The following PDE10A variants were observed in gnomAD, a reference collection of about 807,000 sequenced individuals.
PDE10A encodes the protein phosphodiesterase 10A.
A neutral mutation model predicts 97.7 loss-of-function variants in PDE10A; 39 were observed. The observed-to-expected ratio is 0.40, with a 90% CI of 0.31 to 0.52. The LOEUF is 0.52. Ranked by LOEUF, PDE10A falls within the 20% of genes least tolerant of loss-of-function variation. PDE10A has a pLI of 0.56. For synonymous variants in PDE10A, 371 were observed against 376.8 expected (o/e 0.98, Z 0.18); for missense variants, 731 against 1,047.8 (o/e 0.70, Z 4.17).
intron 1 of PDE10A, among the ~76,000 whole-genome samples, chr6:165,610,626 C>T (rs1448653897): frequency 6.6e-6 from 1 of 152,010 alleles, no homozygotes; most frequent in Non-Finnish European, 1.5e-5. Context: ...CTTTTGCTCC[C>T]ATAAATGATA....
rs1331354149 is a variant in PDE10A, at chr6:165,655,357, G to A, written c.865+6590C>T. Reference sequence around the variant, plus strand: ...CAGGCTGAACACCACCAAACGCCACGCCTGATTCCTTGCGCACCCCACGTG... The same window carrying A: ...CAGGCTGAACACCACCAAACGCCACACCTGATTCCTTGCGCACCCCACGTG... On this transcript the variant is annotated intron_variant, in intron 1 of 21. Coordinates refer to ENST00000539869, the MANE Select transcript of PDE10A (RefSeq NM_001385079.1). The surrounding 1 kb of genome is among the most constrained non-coding windows in gnomAD (Gnocchi z 4.5). Among the ~76,000 whole-genome samples, 5 of 151,996 alleles carry A rather than the reference G, an allele frequency of 3.3e-5. No homozygotes were observed. The highest frequency in any genetic ancestry group is 6.5e-5 in the Admixed American group (1 of 15,272).
chr6:165,930,993 G>T (rs141237301), intron 1 of PDE10A, among the ~76,000 whole-genome samples: 1 of 152,242 alleles, frequency 6.6e-6, no homozygotes, highest in South Asian at 2.1e-4. Context: ...ACAGCATGGA[G>T]CATTGACGAT....
chr6:165,610,545 A>AG (rs1787444663), intron 1 of PDE10A, among the ~76,000 whole-genome samples: 2 of 151,818 alleles, frequency 1.3e-5, no homozygotes, highest in African/African-American at 4.8e-5. Flanking sequence ...AAAAAAAAAA[A>AG]AAAAGAAAGA....
intron 12 of PDE10A, among the ~76,000 whole-genome samples, chr6:165,415,741 T>C (rs1788265962): frequency 6.6e-6 from 1 of 152,208 alleles, no homozygotes; most frequent in South Asian, 2.1e-4. Flanking sequence ...AAGTAACTTA[T>C]GCTAGGTCAG....
chr6:165,987,851 G>C lies in PDE10A; in HGVS notation c.-937C>G, dbSNP rs771274427. 5.0e-6 allele frequency: 2 copies of C among 396,834 alleles called. 1 individual carries two copies. The highest frequency in any genetic ancestry group is 3.7e-5 in the South Asian group (2 of 54,226). 24.6% of individuals were successfully genotyped at this position (396,834 alleles called of 1,614,324 possible). On this transcript the variant is annotated 5_prime_UTR_variant, in exon 1 of 20. Coordinates refer to the PDE10A transcript ENST00000366882. The stretch of plus-strand genomic sequence containing the variant: ...TCCCTCCTTTCCATCTGGGGGTCTC[G>C]GGGAAAGCTGCACCCAGCGCCTTGG...
At chr6:165,337,617 G>A (rs904234437) in intron 20 of PDE10A, among the ~76,000 whole-genome samples, 1 of 152,166 alleles carries the variant, frequency 6.6e-6, no homozygotes, top group African/African-American at 2.4e-5. Context: ...TAATTTCACA[G>A]TCATCAACTA....
Position 165,388,746 on chromosome 6 carries a change from A to G in PDE10A, c.2455-293T>C, listed in dbSNP as rs759673976. 5.9e-5 allele frequency among the ~76,000 whole-genome samples: 9 copies of G among 152,184 alleles called. No individual in the cohort carries two copies. Among genetic ancestry groups the G allele is most frequent in the Non-Finnish European group, 8.8e-5 (6 of 68,038 alleles). On this transcript the variant is annotated intron_variant, in intron 16 of 21. Coordinates refer to ENST00000539869, the MANE Select transcript of PDE10A (RefSeq NM_001385079.1). This position sits in a 1 kb window ranked among gnomAD's most constrained non-coding sequence, Gnocchi z 4.0. Reference sequence around the variant, plus strand: ...AAAAGGTGCAGGAGGTATCAACTTAAAGGTATAAAGCAAATGTTCCAAAAA... The same window carrying G: ...AAAAGGTGCAGGAGGTATCAACTTAGAGGTATAAAGCAAATGTTCCAAAAA...
At chr6:165,986,513 G>GTCTCTCTCTCTCTCTCTC (rs55892857) in intron 1 of PDE10A, 143 of 146,142 alleles carry the variant, frequency 9.8e-4, no homozygotes, top group African/African-American at 3.4e-3. Context: ...CTCTCTCTCT[G>GTCTCTCTCTCTCTCTCTC]TCTCTCTCTC....
At position 165,720,242 on chromosome 6, in the gene PDE10A, AT is replaced by A. The variant is rs925092106; in HGVS notation, c.-614-176675del. Among the ~76,000 whole-genome samples, 2 of 152,152 alleles carry A rather than the reference AT, an allele frequency of 1.3e-5. 1 individual carries two copies. On this transcript the variant is annotated intron_variant, in intron 1 of 19. Transcript: ENST00000366882. ...TGTTTTATGCATTTCAGTACTATTT[AT>A]TTTTTTGATGATCATATCTTACTTT...
intron 18 of PDE10A, among the ~76,000 whole-genome samples, chr6:165,365,525 GTCTCAACAAATTA>G (rs1400868192): frequency 2.3e-4 from 35 of 152,210 alleles, no homozygotes; most frequent in African/African-American, 7.7e-4. Context: ...GCAAGACTCT[GTCTCAACAAATTA>G]TCTCAACAAA....
chr6:165,634,252 CGT>C (rs146661947), intron 1 of PDE10A, among the ~76,000 whole-genome samples: 65 of 151,420 alleles, frequency 4.3e-4, no homozygotes, highest in Non-Finnish European at 6.9e-4. Context: ...CACTGAAGAT[CGT>C]GTGTGTGTGT....
intron 18 of PDE10A, among the ~76,000 whole-genome samples, chr6:165,358,920 T>A (rs145990832): frequency 1.5e-4 from 22 of 151,368 alleles, no homozygotes; most frequent in African/African-American, 5.1e-4. Context: ...ACAGTTTCCC[T>A]GGGGATTATA....
chr6:165,633,367 T>C (rs749534369), intron 1 of PDE10A, among the ~76,000 whole-genome samples: 1 of 152,204 alleles, frequency 6.6e-6, no homozygotes, highest in Non-Finnish European at 1.5e-5. Flanking sequence ...CCACTTTAAG[T>C]GATCTCTAGT....
intron 1 of PDE10A, among the ~76,000 whole-genome samples, chr6:165,923,851 G>A (rs1414662823): frequency 2.0e-5 from 3 of 152,054 alleles, no homozygotes; most frequent in South Asian, 4.2e-4. Flanking sequence ...AATATAAAAT[G>A]CATTCTACCC....
At chr6:165,618,117 G>A (rs1051144440) in intron 1 of PDE10A, among the ~76,000 whole-genome samples, 10 of 152,212 alleles carry the variant, frequency 6.6e-5, no homozygotes, top group East Asian at 1.9e-4. Flanking sequence ...GTCATTAAAC[G>A]AAATCTATAT....
At chr6:165,378,454 C>A (rs73788365) in intron 18 of PDE10A, among the ~76,000 whole-genome samples, 1,570 of 152,276 alleles carry the variant, frequency 0.01, 28 homozygotes, top group African/African-American at 0.036. Flanking sequence ...AGTGTTACCA[C>A]TACAAATTGT....
chr6:165,525,870 C>T (rs631747), intron 2 of PDE10A, among the ~76,000 whole-genome samples: 105,728 of 151,900 alleles, frequency 0.7, 39,874 homozygotes, highest in Non-Finnish European at 0.83. Context: ...AGAAGTGAAA[C>T]TGATAGGAAG....
chr6:165,701,733 ATG>A (rs1333313299), intron 1 of PDE10A, among the ~76,000 whole-genome samples: 2 of 149,514 alleles, frequency 1.3e-5, no homozygotes, highest in Admixed American at 6.7e-5. Flanking sequence ...GCGTGTGTGC[ATG>A]TGTGTGTGCA....
At chr6:165,675,851 A>G (rs1167450084) in intron 1 of PDE10A, among the ~76,000 whole-genome samples, 2 of 152,260 alleles carry the variant, frequency 1.3e-5, no homozygotes, top group Non-Finnish European at 2.9e-5. Flanking sequence ...AGGTTTCTCA[A>G]AGAACCAAAG....
Sources: gnomAD v4.1 joint callset for allele counts (sites outside exome capture counted in the v4.1 genomes callset) on GRCh38, gnomAD v4.1.1 for gene constraint, Gnocchi (gnomAD v3.1) non-coding constraint, MANE v1.5 for transcripts, NCBI Gene and HGNC (gene_info 2026-07-23, HGNC 2026-07-21) for gene names.